Variants in LINGO2 observed in about 807,000 individuals in gnomAD.
LINGO2 encodes leucine-rich repeat and immunoglobulin-like domain-containing nogo receptor-interacting protein 2.
Under a neutral mutation model 30.6 loss-of-function variants are expected in LINGO2, and 14 were observed. That is an observed-to-expected ratio of 0.46 (90% CI 0.30 to 0.72). The LOEUF (loss-of-function observed/expected upper bound fraction) is 0.72. LINGO2 is among the 30% of genes least tolerant of loss of function. The pLI is 0.07. For missense variants in LINGO2, 729 were observed against 751.7 expected, an observed-to-expected ratio of 0.97 and a Z score of 0.35; for synonymous variants, 317 against 288.5, an observed-to-expected ratio of 1.10 and a Z score of -1.00.
the LINGO2 span, among the ~76,000 whole-genome samples, chr9:28,970,925 A>G: frequency 6.6e-6 from 1 of 152,134 alleles, no homozygotes; most frequent in Non-Finnish European, 1.5e-5. Flanking sequence ...TACTGGCATC[A>G]CTCGTCCCTA....
the LINGO2 span, among the ~76,000 whole-genome samples, chr9:29,203,436 T>C: frequency 6.6e-6 from 1 of 152,182 alleles, no homozygotes; most frequent in Admixed American, 6.5e-5. Context: ...AGAGAGAGCA[T>C]GACTCATGTT....
At chr9:28,638,618 T>C (rs995920008) in intron 1 of LINGO2, among the ~76,000 whole-genome samples, 2 of 152,194 alleles carry the variant, frequency 1.3e-5, no homozygotes, top group African/African-American at 4.8e-5. Context: ...GAGGTGTTTA[T>C]AGTATTCTCT....
the LINGO2 span, among the ~76,000 whole-genome samples, chr9:28,680,897 A>T: frequency 6.6e-6 from 1 of 152,024 alleles, no homozygotes; most frequent in East Asian, 1.9e-4. Context: ...TGGCTTGTAA[A>T]TATTACTCTG....
At chr9:28,357,443 G>A (rs908928490) in intron 3 of LINGO2, among the ~76,000 whole-genome samples, 3 of 151,076 alleles carry the variant, frequency 2.0e-5, no homozygotes, top group African/African-American at 7.3e-5. Flanking sequence ...TATAAATCAT[G>A]TATAACACTC....
the LINGO2 span, among the ~76,000 whole-genome samples, chr9:28,726,993 A>C: frequency 1.3e-5 from 2 of 152,122 alleles, no homozygotes; most frequent in Non-Finnish European, 2.9e-5. Context: ...GAGGAGAGTG[A>C]GCATTTTGAC....
chr9:28,851,217 G>A, the LINGO2 span, among the ~76,000 whole-genome samples: 1 of 152,044 alleles, frequency 6.6e-6, no homozygotes, highest in Admixed American at 6.6e-5. Context: ...AAATCAAGGT[G>A]TTGAAATGGC....
chr9:28,135,220 G>A (rs558585343), intron 4 of LINGO2, among the ~76,000 whole-genome samples: 1 of 152,156 alleles, frequency 6.6e-6, no homozygotes, highest in Admixed American at 6.5e-5. Flanking sequence ...AATACATGAA[G>A]TGATTGCTAT....
At chr9:28,342,774 T>A (rs1819400041) in intron 3 of LINGO2, among the ~76,000 whole-genome samples, 1 of 151,786 alleles carries the variant, frequency 6.6e-6, no homozygotes, top group Admixed American at 6.6e-5. Flanking sequence ...TGACTCTACA[T>A]GGTTAAAACA....
chr9:27,979,310 C>A (rs1820746280), intron 5 of LINGO2, among the ~76,000 whole-genome samples: 2 of 151,994 alleles, frequency 1.3e-5, no homozygotes, highest in African/African-American at 4.8e-5. Flanking sequence ...AGTTACTAAT[C>A]TCTATCTTTT....
chr9:28,519,771 A>C (rs145665633), intron 1 of LINGO2, among the ~76,000 whole-genome samples: 38 of 152,288 alleles, frequency 2.5e-4, no homozygotes, highest in Admixed American at 4.6e-4. Context: ...TTGACAGAGA[A>C]AGAGTTTATA....
the LINGO2 span, among the ~76,000 whole-genome samples, chr9:28,913,302 T>C: frequency 2.0e-5 from 3 of 152,086 alleles, no homozygotes; most frequent in Admixed American, 6.5e-5. Flanking sequence ...GCCTGTTCAG[T>C]GAAATAGAAT....
chr9:28,321,289 T>C (rs2134300621), intron 3 of LINGO2, among the ~76,000 whole-genome samples: 1 of 152,272 alleles, frequency 6.6e-6, no homozygotes, highest in East Asian at 1.9e-4. Flanking sequence ...TTGACAAACA[T>C]GTTGTCACAA....
chr9:29,104,219 T>C, the LINGO2 span, among the ~76,000 whole-genome samples: 1 of 152,150 alleles, frequency 6.6e-6, no homozygotes, highest in African/African-American at 2.4e-5. Flanking sequence ...AAATCTCATG[T>C]TGAATTGTAA....
the LINGO2 span, among the ~76,000 whole-genome samples, chr9:29,040,791 G>A: frequency 6.6e-6 from 1 of 151,848 alleles, no homozygotes; most frequent in African/African-American, 2.4e-5. Flanking sequence ...GAGCAGAAAT[G>A]TTTAATTTTC....
intron 1 of LINGO2, among the ~76,000 whole-genome samples, chr9:28,632,687 T>A: frequency 8.2e-6 from 1 of 121,416 alleles, no homozygotes; most frequent in Non-Finnish European, 1.7e-5. Context: ...TATAAAAATA[T>A]ATTTATATAG....
chr9:29,195,545 C>T, the LINGO2 span, among the ~76,000 whole-genome samples: 3 of 151,918 alleles, frequency 2.0e-5, no homozygotes, highest in East Asian at 5.8e-4. Context: ...AATGGCTGTG[C>T]CAATTTACAT....
At chr9:28,205,323 T>G (rs1315575206) in intron 4 of LINGO2, among the ~76,000 whole-genome samples, 1 of 152,156 alleles carries the variant, frequency 6.6e-6, no homozygotes, top group African/African-American at 2.4e-5. Context: ...AACCTGGAAT[T>G]CCTTTCCCCC....
intron 1 of LINGO2, among the ~76,000 whole-genome samples, chr9:28,476,237 G>A (rs1158583603): frequency 6.6e-6 from 1 of 152,020 alleles, no homozygotes; most frequent in African/African-American, 2.4e-5. Context: ...TGCAATCCAC[G>A]GAACATAACA....
chr9:28,466,708 C>T (rs1825316119), intron 2 of LINGO2, among the ~76,000 whole-genome samples: 1 of 151,696 alleles, frequency 6.6e-6, no homozygotes, highest in Admixed American at 6.6e-5. Flanking sequence ...TTCATATACC[C>T]CATAAATATA....
Sources: gnomAD v4.1 joint callset for allele counts (sites outside exome capture counted in the v4.1 genomes callset) on GRCh38, gnomAD v4.1.1 for gene constraint, MANE v1.5 for transcripts, NCBI Gene and HGNC (gene_info 2026-07-23, HGNC 2026-07-21) for gene names.